The following MTA3 variants were observed in gnomAD, a reference collection of about 807,000 sequenced individuals.
MTA3 encodes the protein metastasis-associated protein MTA3.
In MTA3, 34 loss-of-function variants were observed where a neutral mutation model predicts 83.5. The observed-to-expected ratio is 0.41, with a 90% CI of 0.31 to 0.54. The LOEUF (loss-of-function observed/expected upper bound fraction) is 0.54. MTA3 is among the 20% of genes least tolerant of loss of function. The pLI is 0.33. For missense variants in MTA3, 761 were observed against 726.4 expected, an observed-to-expected ratio of 1.05 and a Z score of -0.55; for synonymous variants, 303 against 252.7, an observed-to-expected ratio of 1.20 and a Z score of -1.89.
intron 4 of MTA3, among the ~76,000 whole-genome samples, chr2:42,627,747 TTTG>T (rs1254852905): frequency 6.8e-6 from 1 of 147,966 alleles, no homozygotes; most frequent in Non-Finnish European, 1.5e-5. Context: ...TTTTTTTTTT[TTTG>T]TATTTTTGGT....
chr2:42,628,206 T>TTTTATTTATTTA (rs144338385), intron 4 of MTA3, among the ~76,000 whole-genome samples: 26,112 of 142,390 alleles, frequency 0.18, 2,534 homozygotes, highest in Admixed American at 0.26. Context: ...CTTCTTATCG[T>TTTTATTTATTTA]TTTATTTATT....
chr2:42,688,543 C>G (rs1422352751), intron 9 of MTA3, among the ~76,000 whole-genome samples: 1 of 150,186 alleles, frequency 6.7e-6, no homozygotes, highest in Non-Finnish European at 1.5e-5. Context: ...TCAAAATCTT[C>G]TGCCTATTTT....
intron 8 of MTA3, among the ~76,000 whole-genome samples, chr2:42,661,009 T>C (rs1689642410): frequency 6.6e-6 from 1 of 152,224 alleles, no homozygotes; most frequent in Non-Finnish European, 1.5e-5. Context: ...TTTTGTGTAC[T>C]TCTGTACAAT....
chr2:42,589,370 A>T (rs1573095214), intron 3 of MTA3, among the ~76,000 whole-genome samples: 1 of 152,246 alleles, frequency 6.6e-6, no homozygotes, highest in East Asian at 1.9e-4. Context: ...TAATTCTTGG[A>T]ACTGTGGATT....
chr2:42,705,154 G>C (rs563363422), intron 12 of MTA3, among the ~76,000 whole-genome samples: 2 of 152,324 alleles, frequency 1.3e-5, no homozygotes, highest in African/African-American at 4.8e-5. Flanking sequence ...TACGTCGATT[G>C]ATCCCAAGGA....
At chr2:42,560,130 C>T (rs1677594654) in intron 2 of MTA3, among the ~76,000 whole-genome samples, 1 of 152,056 alleles carries the variant, frequency 6.6e-6, no homozygotes, top group Non-Finnish European at 1.5e-5. Context: ...GCAAGCGATT[C>T]TCCCGCCTCA....
intron 2 of MTA3, among the ~76,000 whole-genome samples, chr2:42,543,564 C>T (rs866306619): frequency 1.8e-4 from 28 of 151,954 alleles, no homozygotes; most frequent in African/African-American, 6.3e-4. Flanking sequence ...CTCATTGCAA[C>T]AGCCTGGAAC....
At chr2:42,669,466 T>A (rs1389322626) in intron 8 of MTA3, among the ~76,000 whole-genome samples, 2 of 152,158 alleles carry the variant, frequency 1.3e-5, no homozygotes, top group Admixed American at 1.3e-4. Context: ...ATAAAATTGA[T>A]GGGGATTCGT....
At position 42,614,996 on chromosome 2, in the gene MTA3, A is replaced by G. The variant is rs564877343; in HGVS notation, c.317+5412A>G. Among the ~76,000 whole-genome samples the G allele has an allele frequency of 8.6e-5, 13 of 151,378 alleles. No homozygotes were observed. In the South Asian group the frequency reaches 2.7e-3, roughly 32 times the overall value. Reference sequence around the variant, plus strand: ...TGTCTTAAAAAAAAAAAAAACAAAAAGCAGAAAACCTAGGCTGGGCACGGT... The same window carrying G: ...TGTCTTAAAAAAAAAAAAAACAAAAGGCAGAAAACCTAGGCTGGGCACGGT... On this transcript the variant is annotated intron_variant, in intron 4 of 16. Transcript: ENST00000405094.
chr2:42,541,192 C>T (rs1461497310), intron 2 of MTA3, among the ~76,000 whole-genome samples: 1 of 152,004 alleles, frequency 6.6e-6, no homozygotes, highest in African/African-American at 2.4e-5. Flanking sequence ...CCACCATGCC[C>T]GGCTAATTTT....
At chr2:42,563,776 ATTCCTTCCTTCCTTCCTTCCTTCC>A (rs374517534), upstream of MTA3, among the ~76,000 whole-genome samples, 2 of 114,378 alleles carry the variant, frequency 1.7e-5, no homozygotes, top group Non-Finnish European at 3.6e-5. Flanking sequence ...TGGACCAAAC[ATTCCTTCCTTCCTTCCTTCCTTCC>A]TTCCTTCCTT....
chr2:42,568,989 A>G (rs1286493124), intron 1 of MTA3, among the ~76,000 whole-genome samples: 2 of 144,574 alleles, frequency 1.4e-5, no homozygotes, highest in African/African-American at 2.6e-5. Flanking sequence ...GGCCACCTTC[A>G]CCCTCGCACC....
At chr2:42,530,411 C>CAGG (rs1431186881) in intron 2 of MTA3, among the ~76,000 whole-genome samples, 4 of 151,464 alleles carry the variant, frequency 2.6e-5, no homozygotes, top group African/African-American at 9.7e-5. Flanking sequence ...GGCGTGAACC[C>CAGG]AGGAGGCGGA....
intron 14 of MTA3, among the ~76,000 whole-genome samples, chr2:42,711,354 A>G (rs1434754779): frequency 6.6e-6 from 1 of 152,170 alleles, no homozygotes; most frequent in African/African-American, 2.4e-5. Context: ...TTGACGGGCC[A>G]TGCTGCTAAA....
chr2:42,719,842 A>G (rs1414078491), intron 15 of MTA3, among the ~76,000 whole-genome samples: 2 of 152,230 alleles, frequency 1.3e-5, no homozygotes, highest in Non-Finnish European at 2.9e-5. Context: ...ACTATGCAAT[A>G]ATCTCTTTGT....
At chr2:42,552,128 A>G (rs1452500386) in intron 2 of MTA3, among the ~76,000 whole-genome samples, 1 of 151,932 alleles carries the variant, frequency 6.6e-6, no homozygotes, top group Non-Finnish European at 1.5e-5. Context: ...AAAGTGGGAG[A>G]TGTATTTGAG....
At chr2:42,647,232 CT>C (rs1038516119) in intron 6 of MTA3, among the ~76,000 whole-genome samples, 1 of 149,370 alleles carries the variant, frequency 6.7e-6, no homozygotes, top group African/African-American at 2.5e-5. Context: ...CAGAGAAAAA[CT>C]TTTTTTTAGA....
intron 3 of MTA3, among the ~76,000 whole-genome samples, chr2:42,598,622 G>A (rs1434821872): frequency 6.6e-6 from 1 of 152,032 alleles, no homozygotes; most frequent in Non-Finnish European, 1.5e-5. Context: ...ATTTATTTTG[G>A]ATAAGATAAA....
upstream of MTA3, among the ~76,000 whole-genome samples, chr2:42,566,973 T>C (rs1384726433): frequency 6.6e-6 from 1 of 152,228 alleles, no homozygotes; most frequent in Non-Finnish European, 1.5e-5. Context: ...TGGAGTGATG[T>C]CAGTTTTGTC....
Sources: gnomAD v4.1 joint callset for allele counts (sites outside exome capture counted in the v4.1 genomes callset) on GRCh38, gnomAD v4.1.1 for gene constraint, MANE v1.5 for transcripts, NCBI Gene and HGNC (gene_info 2026-07-23, HGNC 2026-07-21) for gene names.